DLGAP1: variants seen among roughly 807,000 people sequenced by gnomAD.
DLGAP1 encodes the protein disks large-associated protein 1.
DLGAP1 carries 11 observed loss-of-function variants against 90.8 expected under a neutral mutation model. The observed-to-expected ratio is 0.12, with a 90% CI of 0.08 to 0.20. DLGAP1 has a LOEUF of 0.20. Among genes scored for constraint, DLGAP1 ranks in the 10% least tolerant of loss-of-function variants. DLGAP1 has a pLI of 1.00. For missense variants in DLGAP1, 1,050 were observed against 1,333.8 expected (o/e 0.79, Z 3.31); for synonymous variants, 558 against 540.7 (o/e 1.03, Z -0.44).
intron 1 of DLGAP1, among the ~76,000 whole-genome samples, chr18:4,389,521 T>TTAC (rs1237705328): frequency 2.0e-5 from 3 of 152,214 alleles, no homozygotes; most frequent in African/African-American, 7.2e-5. Flanking sequence ...TCTGTGTAAT[T>TTAC]TACTACAATG....
chr18:4,201,712 C>T (rs2077610013), intron 1 of DLGAP1, among the ~76,000 whole-genome samples: 1 of 151,930 alleles, frequency 6.6e-6, no homozygotes, highest in Non-Finnish European at 1.5e-5. Context: ...GGCCAAAAAA[C>T]ATATGAAAAC....
intron 7 of DLGAP1, among the ~76,000 whole-genome samples, chr18:3,632,096 G>T (rs916830093): frequency 3.9e-5 from 6 of 152,090 alleles, no homozygotes; most frequent in African/African-American, 1.4e-4. Flanking sequence ...TGTTATCTTT[G>T]TTTTACACTA....
intron 2 of DLGAP1, among the ~76,000 whole-genome samples, chr18:4,071,747 G>A (rs1467284421): frequency 6.6e-6 from 1 of 152,172 alleles, no homozygotes; most frequent in Non-Finnish European, 1.5e-5. Context: ...GAATTGTCTC[G>A]AAGGAGAGGT....
rs1119392 is a variant in DLGAP1, at chr18:4,228,161, A to G, written c.-266-76874T>C. 4.5e-3 allele frequency among the ~76,000 whole-genome samples: 680 copies of G among 152,012 alleles called. 5 individuals carry two copies. Among genetic ancestry groups the G allele is most frequent in the African/African-American group, 0.015 (637 of 41,552 alleles). ...CCTACCAAGATTGAGCCACGAAAAA[A>G]TCCAAAACCTGAATGGACAAATAAG... On this transcript the variant is annotated intron_variant, in intron 1 of 12. Coordinates refer to ENST00000315677, the MANE Select transcript of DLGAP1 (RefSeq NM_004746.4).
chr18:4,448,795 C>T (rs1390870629), intron 1 of DLGAP1, among the ~76,000 whole-genome samples: 1 of 152,132 alleles, frequency 6.6e-6, no homozygotes, highest in East Asian at 1.9e-4. Context: ...GCTGTGATTC[C>T]ACATCAGTAA....
intron 1 of DLGAP1, among the ~76,000 whole-genome samples, chr18:4,269,509 A>C (rs567064042): frequency 6.6e-6 from 1 of 151,660 alleles, no homozygotes; most frequent in Non-Finnish European, 1.5e-5. Flanking sequence ...GCCCACCACC[A>C]TGCGCGGCTA....
rs1284216494 is a variant in DLGAP1, at chr18:3,499,663, A to G, written c.2725-269T>C. Among the ~76,000 whole-genome samples, 3 of 152,048 alleles carry G rather than the reference A, an allele frequency of 2.0e-5. No individual in the cohort carries two copies. The highest frequency in any genetic ancestry group is 4.4e-5 in the Non-Finnish European group (3 of 68,012). On this transcript the variant is annotated intron_variant, in intron 12 of 12. Transcript: ENST00000315677. The surrounding 1 kb of genome is among the most constrained non-coding windows in gnomAD (Gnocchi z 6.4). ...CAAGGGAAGGAAGTGGGTATTTTAA[A>G]GGCCCCCTGCGGAAAGCCTGCGGCT...
At chr18:4,063,010 G>T (rs551646410) in intron 2 of DLGAP1, among the ~76,000 whole-genome samples, 1 of 152,056 alleles carries the variant, frequency 6.6e-6, no homozygotes, top group East Asian at 1.9e-4. Flanking sequence ...ATATTCCTTT[G>T]AAAACATCAT....
intron 7 of DLGAP1, among the ~76,000 whole-genome samples, chr18:3,716,701 A>T (rs1242846445): frequency 6.6e-6 from 1 of 151,994 alleles, no homozygotes; most frequent in Non-Finnish European, 1.5e-5. Context: ...CTGAGCAAAA[A>T]TTCTTGACAC....
intron 7 of DLGAP1, among the ~76,000 whole-genome samples, chr18:3,707,346 C>T (rs2061466580): frequency 6.6e-6 from 1 of 152,026 alleles, no homozygotes; most frequent in Non-Finnish European, 1.5e-5. Context: ...GCCTGTAATC[C>T]CAGCACTTTA....
intron 3 of DLGAP1, among the ~76,000 whole-genome samples, chr18:3,973,496 T>A (rs898885131): frequency 6.6e-6 from 1 of 152,150 alleles, no homozygotes; most frequent in Admixed American, 6.5e-5. Flanking sequence ...TGGTGGAGTA[T>A]ATGGTTCCTG....
rs35031361 is a variant in DLGAP1 at position 3,634,215 on chromosome 18, T to TC, written c.1592-51968dup. Among the ~76,000 whole-genome samples the TC allele has an allele frequency of 9.8e-3, 1,473 of 150,144 alleles. 76 individuals are homozygous for TC. In the East Asian group the frequency reaches 0.17, roughly 17 times the overall value. On this transcript the variant is annotated intron_variant, in intron 7 of 12. Coordinates refer to ENST00000315677, the MANE Select transcript of DLGAP1 (RefSeq NM_004746.4). ...CTTTAAAATAAGTTATCTTTGAACA[T>TC]CCCCCCCCACTATAAATTTGTATAC...
chr18:3,796,349 T>C (rs934466612), intron 5 of DLGAP1, among the ~76,000 whole-genome samples: 2 of 151,554 alleles, frequency 1.3e-5, no homozygotes, highest in African/African-American at 4.8e-5. Flanking sequence ...CTTTTGGTTC[T>C]GCCCATGACC....
chr18:3,601,099 T>TA (rs2056998850), intron 7 of DLGAP1, among the ~76,000 whole-genome samples: 3 of 150,842 alleles, frequency 2.0e-5, no homozygotes, highest in African/African-American at 7.3e-5. Context: ...GATATATATA[T>TA]TTTTTGAGAC....
At chr18:4,381,150 C>T (rs755298537) in intron 1 of DLGAP1, among the ~76,000 whole-genome samples, 4 of 152,124 alleles carry the variant, frequency 2.6e-5, no homozygotes, top group Non-Finnish European at 4.4e-5. Flanking sequence ...AAGACTTCCC[C>T]ATGTTAAAAT....
chr18:4,246,081 G>A (rs892111931), intron 1 of DLGAP1, among the ~76,000 whole-genome samples: 2 of 152,190 alleles, frequency 1.3e-5, no homozygotes, highest in Non-Finnish European at 2.9e-5. Flanking sequence ...TGAAGAGTGT[G>A]TGTGTTTATT....
intron 3 of DLGAP1, among the ~76,000 whole-genome samples, chr18:3,927,796 T>G (rs533624057): frequency 6.6e-6 from 1 of 151,450 alleles, no homozygotes; most frequent in South Asian, 2.1e-4. Context: ...TTTTACATTA[T>G]GTCATTAAGC....
chr18:4,127,582 C>T (rs537032074), intron 2 of DLGAP1, among the ~76,000 whole-genome samples: 6 of 152,256 alleles, frequency 3.9e-5, no homozygotes, highest in African/African-American at 1.2e-4. Flanking sequence ...TATTTCCCAG[C>T]AGTTGACTTG....
intron 3 of DLGAP1, 130 bp from the exon 4 acceptor site, chr18:3,880,270 A>T: frequency 1.6e-6 from 1 of 608,566 alleles, no homozygotes; most frequent in Non-Finnish European, 2.9e-6. Flanking sequence ...TGCAGCCTCC[A>T]CATCCTGGGC....
Sources: allele counts gnomAD v4.1 joint callset (sites outside exome capture counted in the v4.1 genomes callset), GRCh38; gene constraint gnomAD v4.1.1; non-coding constraint Gnocchi (gnomAD v3.1); transcripts MANE v1.5; gene names NCBI Gene and HGNC (gene_info 2026-07-23, HGNC 2026-07-21).